Variants in ZC3H12B observed in about 807,000 individuals in gnomAD.
ZC3H12B encodes the protein zinc finger CCCH-type containing 12B.
In ZC3H12B, 7 loss-of-function variants were observed where a neutral mutation model predicts 43.9. That is an observed-to-expected ratio of 0.16 (90% CI 0.09 to 0.30). The LOEUF (loss-of-function observed/expected upper bound fraction) is 0.30. Among genes scored for constraint, ZC3H12B ranks in the 10% least tolerant of loss-of-function variants. The pLI, the probability that ZC3H12B is intolerant of heterozygous loss-of-function variation, is 1.00. For missense variants in ZC3H12B, 475 were observed against 670.2 expected, an observed-to-expected ratio of 0.71 and a Z score of 3.22; for synonymous variants, 222 against 241.7, an observed-to-expected ratio of 0.92 and a Z score of 0.76.
the ZC3H12B span, among the ~76,000 whole-genome samples, chrX:65,297,426 A>C: frequency 9.0e-6 from 1 of 111,207 alleles, no homozygotes; most frequent in Non-Finnish European, 1.9e-5. Flanking sequence ...AATATTTAGG[A>C]ATATACCTAA....
the ZC3H12B span, among the ~76,000 whole-genome samples, chrX:65,270,210 G>A: frequency 9.0e-6 from 1 of 111,603 alleles, no homozygotes; most frequent in Non-Finnish European, 1.9e-5. Context: ...TCAGAATAGA[G>A]AGCCCAGAAA....
the ZC3H12B span, among the ~76,000 whole-genome samples, chrX:65,229,156 A>C: frequency 1.8e-4 from 20 of 110,996 alleles, no homozygotes; most frequent in Non-Finnish European, 3.8e-4. Flanking sequence ...ACAGTAACCA[A>C]AACAGCATGG....
At chrX:65,392,061 T>C (rs936657737) in intron 2 of ZC3H12B, among the ~76,000 whole-genome samples, 2 of 111,664 alleles carry the variant, frequency 1.8e-5, no homozygotes, top group South Asian at 3.8e-4. Flanking sequence ...TCTCGCTCAC[T>C]CAGTGCTCAA....
the ZC3H12B span, among the ~76,000 whole-genome samples, chrX:65,312,745 C>T: frequency 1.8e-5 from 2 of 111,819 alleles, no homozygotes; most frequent in Non-Finnish European, 3.8e-5. Flanking sequence ...ATTCTGTGTC[C>T]TCACCTGGTG....
the ZC3H12B span, among the ~76,000 whole-genome samples, chrX:65,311,383 C>T: frequency 8.9e-6 from 1 of 112,242 alleles, no homozygotes; most frequent in East Asian, 2.8e-4. Flanking sequence ...CCAACAGACA[C>T]ATGAAAAAAA....
At chrX:65,091,067 C>T in the ZC3H12B span, among the ~76,000 whole-genome samples, 96 of 111,210 alleles carry the variant, frequency 8.6e-4, no homozygotes, top group South Asian at 0.01. Context: ...AACTGTGAGC[C>T]GATGAAACCT....
chrX:65,240,084 G>A, the ZC3H12B span, among the ~76,000 whole-genome samples: 8 of 110,734 alleles, frequency 7.2e-5, no homozygotes, highest in African/African-American at 2.3e-4. Context: ...TTTCTGACTG[G>A]GGTTCTCTCA....
At chrX:65,347,153 ACG>A in the ZC3H12B span, among the ~76,000 whole-genome samples, 3 of 111,801 alleles carry the variant, frequency 2.7e-5, no homozygotes, top group African/African-American at 9.8e-5. Context: ...ACTGATACCC[ACG>A]CAAACAGGGT....
the ZC3H12B span, among the ~76,000 whole-genome samples, chrX:65,080,503 T>A: frequency 2.6e-3 from 294 of 110,951 alleles, 1 homozygote; most frequent in South Asian, 0.013. Context: ...ACAATTAACA[T>A]ACAATGGAAT....
chrX:65,212,676 T>C, the ZC3H12B span, among the ~76,000 whole-genome samples: 2 of 88,043 alleles, frequency 2.3e-5, no homozygotes, highest in East Asian at 6.9e-4. Context: ...ATATATATGA[T>C]TTATATATCA....
chrX:65,135,632 T>C, the ZC3H12B span, among the ~76,000 whole-genome samples: 1 of 110,409 alleles, frequency 9.1e-6, no homozygotes, highest in Non-Finnish European at 1.9e-5. Flanking sequence ...TTTCTTGTAG[T>C]ACTTTTTCAG....
At chrX:65,480,437 C>G (rs1308135931) in intron 3 of ZC3H12B, among the ~76,000 whole-genome samples, 1 of 112,445 alleles carries the variant, frequency 8.9e-6, no homozygotes. Flanking sequence ...ACCCAACTTA[C>G]CACTATTTGA....
At chrX:65,181,112 A>G in the ZC3H12B span, among the ~76,000 whole-genome samples, 22 of 111,638 alleles carry the variant, frequency 2.0e-4, no homozygotes, top group Non-Finnish European at 1.9e-5. Context: ...ATCTACAATG[A>G]TTTGGTCTTC....
intron 3 of ZC3H12B, among the ~76,000 whole-genome samples, chrX:65,403,484 A>G (rs1351246134): frequency 1.8e-5 from 2 of 111,972 alleles, no homozygotes; most frequent in Non-Finnish European, 3.8e-5. Context: ...AAAGTTATAT[A>G]TCTCCAAGCA....
the ZC3H12B span, among the ~76,000 whole-genome samples, chrX:65,277,358 C>T: frequency 9.0e-6 from 1 of 111,352 alleles, no homozygotes; most frequent in Non-Finnish European, 1.9e-5. Context: ...GTAACATACA[C>T]CAAATGGACC....
At chrX:65,177,760 C>G in the ZC3H12B span, among the ~76,000 whole-genome samples, 2 of 111,829 alleles carry the variant, frequency 1.8e-5, no homozygotes, top group East Asian at 2.8e-4. Context: ...AACCACTGCT[C>G]AAGGAAATAA....
the ZC3H12B span, among the ~76,000 whole-genome samples, chrX:65,267,297 A>C: frequency 9.2e-6 from 1 of 109,161 alleles, no homozygotes; most frequent in East Asian, 2.8e-4. Context: ...TGGCTACACA[A>C]GAAAAAGAAT....
chrX:65,035,391 C>T, the ZC3H12B span, among the ~76,000 whole-genome samples: 1 of 112,451 alleles, frequency 8.9e-6, no homozygotes, highest in Non-Finnish European at 1.9e-5. Context: ...CACATCTGCT[C>T]GCGGCTCTCT....
chrX:65,132,191 C>T, the ZC3H12B span, among the ~76,000 whole-genome samples: 2 of 111,306 alleles, frequency 1.8e-5, no homozygotes, highest in Non-Finnish European at 3.8e-5. Flanking sequence ...AAAGAGTGTA[C>T]GGGTTGGGCA....
Sources: allele counts gnomAD v4.1 joint callset (sites outside exome capture counted in the v4.1 genomes callset), GRCh38; gene constraint gnomAD v4.1.1; transcripts MANE v1.5; gene names NCBI Gene and HGNC (gene_info 2026-07-23, HGNC 2026-07-21).